The following OPRM1 variants were observed in gnomAD, a reference collection of about 807,000 sequenced individuals.
OPRM1 encodes opioid receptor mu 1.
In OPRM1, 27 loss-of-function variants were observed where a neutral mutation model predicts 31.8. That is an observed-to-expected ratio of 0.85 (90% CI 0.63 to 1.17). OPRM1 has a LOEUF of 1.17. OPRM1 is among the 50% of genes most tolerant of loss of function. The probability of loss-of-function intolerance (pLI) is 0.00; values close to 1 mark genes in which losing one functional copy is unlikely to be tolerated. For synonymous variants in OPRM1, 196 were observed against 189.9 expected (o/e 1.03, Z -0.26); for missense variants, 536 against 511.1 (o/e 1.05, Z -0.47).
At chr6:154,206,710 A>G (rs1777525983) in intron 3 of OPRM1, among the ~76,000 whole-genome samples, 1 of 152,234 alleles carries the variant, frequency 6.6e-6, no homozygotes, top group Non-Finnish European at 1.5e-5. Context: ...GAAGGAATCT[A>G]CATCTGAAGC....
At chr6:154,170,897 G>T (rs1799818639) in intron 3 of OPRM1, among the ~76,000 whole-genome samples, 2 of 152,150 alleles carry the variant, frequency 1.3e-5, no homozygotes, top group Admixed American at 6.5e-5. Context: ...TAAAGACAGG[G>T]TCTTGGTCTA....
At chr6:154,207,788 A>G (rs1562541626) in intron 3 of OPRM1, among the ~76,000 whole-genome samples, 2 of 152,190 alleles carry the variant, frequency 1.3e-5, no homozygotes, top group Non-Finnish European at 2.9e-5. Flanking sequence ...TTAAAAAACT[A>G]CTTCAGAAAA....
intron 3 of OPRM1, among the ~76,000 whole-genome samples, chr6:154,141,210 C>T (rs1384444669): frequency 6.6e-6 from 1 of 152,250 alleles, no homozygotes; most frequent in Non-Finnish European, 1.5e-5. Context: ...AGCACCTTCC[C>T]TGATGCTCAG....
At position 154,168,317 on chromosome 6, in the gene OPRM1, A is replaced by C. The variant is rs533879320; in HGVS notation, c.1164+76845A>C. On this transcript the variant is annotated intron_variant, in intron 3 of 3. Coordinates refer to the OPRM1 transcript ENST00000337049. This position sits in a 1 kb window ranked among gnomAD's most constrained non-coding sequence, Gnocchi z 4.1. ...TACTGCAGAGCCACGTTCCCTGTGA[A>C]GGCACCAGGGAAGGAGTTATTCCAA... 4.6e-5 allele frequency among the ~76,000 whole-genome samples: 7 copies of C among 152,284 alleles called. No individual in the cohort carries two copies. The highest frequency in any genetic ancestry group is 1.7e-4 in the African/African-American group (7 of 41,556).
intron 3 of OPRM1, among the ~76,000 whole-genome samples, chr6:154,232,815 T>C (rs945680027): frequency 1.3e-5 from 2 of 151,898 alleles, no homozygotes; most frequent in African/African-American, 4.8e-5. Flanking sequence ...GAAATTAACA[T>C]AGATGTGTGT....
chr6:154,045,169 G>A (rs77900010), intron 1 of OPRM1, among the ~76,000 whole-genome samples: 8,664 of 151,952 alleles, frequency 0.057, 807 homozygotes, highest in African/African-American at 0.2. Flanking sequence ...AGGCTGCAGC[G>A]AGCCGAGATC....
intron 1 of OPRM1, among the ~76,000 whole-genome samples, chr6:154,014,751 A>G (rs370548377): frequency 3.9e-4 from 60 of 152,276 alleles, no homozygotes; most frequent in African/African-American, 1.4e-3. Flanking sequence ...CATTACTATA[A>G]TGGAAGTTAT....
chr6:154,099,483 AAAG>A (rs1794105272), intron 3 of OPRM1, among the ~76,000 whole-genome samples: 1 of 151,026 alleles, frequency 6.6e-6, no homozygotes, highest in African/African-American at 2.4e-5. Flanking sequence ...AGAAAGAAAG[AAAG>A]AAGGAAAGAA....
At chr6:154,208,475 G>A (rs1777689107) in intron 3 of OPRM1, among the ~76,000 whole-genome samples, 1 of 152,168 alleles carries the variant, frequency 6.6e-6, no homozygotes, top group South Asian at 2.1e-4. Flanking sequence ...CACTTCTGAT[G>A]TAGCATATAT....
At chr6:154,092,982 C>T (rs1583497952) in intron 3 of OPRM1, among the ~76,000 whole-genome samples, 1 of 152,338 alleles carries the variant, frequency 6.6e-6, no homozygotes, top group African/African-American at 2.4e-5. Context: ...TAAACCTACT[C>T]CTTTTACTAG....
At chr6:154,071,951 T>G (rs1319865287) in intron 1 of OPRM1, among the ~76,000 whole-genome samples, 1 of 152,204 alleles carries the variant, frequency 6.6e-6, no homozygotes, top group Non-Finnish European at 1.5e-5. Context: ...GATGTTTATA[T>G]TCTATGGAAT....
intron 1 of OPRM1, among the ~76,000 whole-genome samples, chr6:154,058,608 A>C (rs1783793161): frequency 6.6e-6 from 1 of 152,200 alleles, no homozygotes; most frequent in Non-Finnish European, 1.5e-5. Flanking sequence ...GGACAAATAA[A>C]CATGAACGTA....
At position 154,169,838 on chromosome 6, in the gene OPRM1, G is replaced by A. The variant is rs536088450; in HGVS notation, c.1165-76855G>A. 2.0e-5 allele frequency among the ~76,000 whole-genome samples: 3 copies of A among 152,310 alleles called. No homozygotes were observed. The South Asian group carries it at 6.2e-4, about 32-fold the overall frequency. On this transcript the variant is annotated intron_variant, in intron 3 of 3. Transcript: ENST00000337049. ...CATGTGCCTCTGGTCAGGCCATTTGGGGCCAAGGAGACTCAGTTCCAAGAC... is the reference window on the plus strand; with the variant it reads ...CATGTGCCTCTGGTCAGGCCATTTGAGGCCAAGGAGACTCAGTTCCAAGAC...
chr6:154,223,707 T>G (rs750948715), intron 3 of OPRM1, among the ~76,000 whole-genome samples: 1 of 152,236 alleles, frequency 6.6e-6, no homozygotes, highest in Non-Finnish European at 1.5e-5. Flanking sequence ...ATTCCTATCA[T>G]GGATTGACCA....
intron 3 of OPRM1, among the ~76,000 whole-genome samples, chr6:154,105,629 G>C (rs1408995280): frequency 1.3e-5 from 2 of 152,162 alleles, no homozygotes; most frequent in Admixed American, 1.3e-4. Flanking sequence ...AATTGATAAG[G>C]AAATTTGCTT....
At chr6:154,164,295 G>T (rs190352697) in intron 3 of OPRM1, among the ~76,000 whole-genome samples, 82 of 152,296 alleles carry the variant, frequency 5.4e-4, no homozygotes, top group Non-Finnish European at 1.5e-5. Context: ...GCATTAAGCT[G>T]ACACTTCTCA....
chr6:154,054,244 C>T (rs1782762021), intron 1 of OPRM1, among the ~76,000 whole-genome samples: 1 of 151,920 alleles, frequency 6.6e-6, no homozygotes, highest in African/African-American at 2.4e-5. Flanking sequence ...CGGCATGCAC[C>T]TGTAGTCCCA....
intron 3 of OPRM1, among the ~76,000 whole-genome samples, chr6:154,234,253 G>A (rs754865894): frequency 1.6e-4 from 25 of 152,054 alleles, no homozygotes; most frequent in Middle Eastern, 3.4e-3. Context: ...TTCCCTTAGC[G>A]TGAAAACTCT....
chr6:154,237,104 G>A (rs943306033), intron 3 of OPRM1, among the ~76,000 whole-genome samples: 16 of 152,178 alleles, frequency 1.1e-4, no homozygotes, highest in African/African-American at 3.9e-4. Context: ...TGTAGAAGAA[G>A]CAGCTGGAAC....
Sources: allele counts gnomAD v4.1 joint callset (sites outside exome capture counted in the v4.1 genomes callset), GRCh38; gene constraint gnomAD v4.1.1; non-coding constraint Gnocchi (gnomAD v3.1); transcripts MANE v1.5; gene names NCBI Gene and HGNC (gene_info 2026-07-23, HGNC 2026-07-21).